NEK5: variants seen among roughly 807,000 people sequenced by gnomAD.
The protein encoded by NEK5 is NIMA related kinase 5, also known as serine/threonine-protein kinase Nek5.
NEK5 carries 88 observed loss-of-function variants against 109.2 expected under a neutral mutation model. That is an observed-to-expected ratio of 0.81 (90% CI 0.68 to 0.96). NEK5 has a LOEUF of 0.96. Ranked by LOEUF, NEK5 falls within the 40% of genes least tolerant of loss-of-function variation. The probability of loss-of-function intolerance (pLI) is 0.00; values close to 1 mark genes in which losing one functional copy is unlikely to be tolerated. For missense variants in NEK5, 834 were observed against 920.7 expected (o/e 0.91, Z 1.22); for synonymous variants, 283 against 299.9 (o/e 0.94, Z 0.58).
At chr13:52,041,557 A>G (rs1291706565) in intron 23 of NEK5, among the ~76,000 whole-genome samples, 1 of 151,582 alleles carries the variant, frequency 6.6e-6, no homozygotes, top group Non-Finnish European at 1.5e-5. Context: ...GTGAAACCCC[A>G]TCTCTGCTAA....
chr13:52,117,215 G>A (rs576840913), intron 4 of NEK5, among the ~76,000 whole-genome samples: 4 of 152,276 alleles, frequency 2.6e-5, no homozygotes, highest in African/African-American at 7.2e-5. Context: ...CACTGCGCCC[G>A]GCCAAAACAT....
At chr13:52,085,512 A>T (rs1955124273) in intron 16 of NEK5, among the ~76,000 whole-genome samples, 1 of 152,124 alleles carries the variant, frequency 6.6e-6, no homozygotes, top group African/African-American at 2.4e-5. Context: ...AGAGAGAGAG[A>T]GATCAATTTC....
At position 52,110,572 on chromosome 13, in the gene NEK5, G is replaced by A. The variant is rs199610777; in HGVS notation, c.318C>T (p.Leu106=). The A allele has an allele frequency of 1.5e-4, 244 of 1,605,676 alleles. 3 individuals carry two copies. The Admixed American group carries it at 3.5e-3, about 23-fold the overall frequency. ...CTAGAGAAATCTGTACAAACCAACC[G>A]AGGATCTATAGAGAGAACACAAAAC... ...RGVLFSEDQI[L]GWFVQISLGL... is the part of the protein sequence containing the mutation. Residue 106 remains leucine (L), a synonymous_variant, in exon 6 of 24, where the codon CTC becomes CTT. Coordinates refer to ENST00000684899, the MANE Select transcript of NEK5 (RefSeq NM_001365552.1).
chr13:52,063,948 G>A (rs886999857), intron 21 of NEK5, among the ~76,000 whole-genome samples: 1 of 150,074 alleles, frequency 6.7e-6, no homozygotes, highest in Non-Finnish European at 1.5e-5. Flanking sequence ...GGAGGGAGGT[G>A]GGGGGGTCAG....
chr13:52,063,554 C>T (rs1490760276), intron 21 of NEK5, among the ~76,000 whole-genome samples: 1 of 146,866 alleles, frequency 6.8e-6, no homozygotes, highest in Non-Finnish European at 1.5e-5. Flanking sequence ...ACGTGAGGAG[C>T]CCCTCTGCCT....
intron 17 of NEK5, among the ~76,000 whole-genome samples, chr13:52,076,728 C>T (rs1387837334): frequency 6.6e-6 from 1 of 152,178 alleles, no homozygotes; most frequent in Non-Finnish European, 1.5e-5. Context: ...TGTGTATCTT[C>T]AGGCTTCACT....
At chr13:52,037,498 C>A (rs1954370907) in intron 23 of NEK5, among the ~76,000 whole-genome samples, 1 of 152,030 alleles carries the variant, frequency 6.6e-6, no homozygotes, top group East Asian at 1.9e-4. Context: ...AAAACAATTG[C>A]CGTACATCGA....
intron 19 of NEK5, among the ~76,000 whole-genome samples, chr13:52,074,119 A>G (rs2137807543): frequency 6.7e-6 from 1 of 149,946 alleles, no homozygotes; most frequent in African/African-American, 2.4e-5. Context: ...AGGATTGGAG[A>G]AAAAAAAAAC....
At chr13:52,111,125 T>G (rs1386356677) in intron 5 of NEK5, among the ~76,000 whole-genome samples, 1 of 152,230 alleles carries the variant, frequency 6.6e-6, no homozygotes, top group Non-Finnish European at 1.5e-5. Context: ...TATTTCTAAG[T>G]CATGATTTGA....
At chr13:52,062,445 G>A (rs1206449913) in intron 21 of NEK5, among the ~76,000 whole-genome samples, 1 of 149,158 alleles carries the variant, frequency 6.7e-6, no homozygotes, top group African/African-American at 2.5e-5. Context: ...TTTTTTTTGA[G>A]ACAGAGTCTC....
At chr13:52,053,828 G>C (rs551814788) in intron 22 of NEK5, among the ~76,000 whole-genome samples, 6 of 152,278 alleles carry the variant, frequency 3.9e-5, no homozygotes, top group Admixed American at 3.9e-4. Flanking sequence ...GTTTTATTAA[G>C]GCAGGAGCCT....
chr13:52,114,703 T>A (rs1955818698), intron 4 of NEK5, among the ~76,000 whole-genome samples: 1 of 152,190 alleles, frequency 6.6e-6, no homozygotes, highest in Admixed American at 6.5e-5. Flanking sequence ...CGCATGCAAG[T>A]AAGACTGGAG....
At chr13:52,054,630 G>C (rs979559941) in intron 22 of NEK5, among the ~76,000 whole-genome samples, 1 of 152,212 alleles carries the variant, frequency 6.6e-6, no homozygotes, top group Non-Finnish European at 1.5e-5. Context: ...TCCTCAAGTG[G>C]GTCCCTGACC....
intron 1 of NEK5, 49 bp downstream of exon 1, chr13:52,128,980 C>G (rs1283770278): frequency 1.3e-5 from 2 of 152,434 alleles, no homozygotes; most frequent in African/African-American, 4.8e-5. Flanking sequence ...GCTCCCGAAG[C>G]CCTGTGGCGG....
chr13:52,095,291 T>C (rs1955383226), intron 12 of NEK5, among the ~76,000 whole-genome samples: 3 of 152,128 alleles, frequency 2.0e-5, no homozygotes, highest in Non-Finnish European at 2.9e-5. Context: ...ATTTCACCTA[T>C]ATACAACCTA....
intron 23 of NEK5, among the ~76,000 whole-genome samples, chr13:52,044,181 T>C (rs1954437793): frequency 1.3e-5 from 2 of 152,218 alleles, no homozygotes; most frequent in African/African-American, 4.8e-5. Context: ...CTCCAAGTTC[T>C]TCGGTTTTGA....
chr13:52,035,429 A>G lies in NEK5; in HGVS notation c.*1519T>C, dbSNP rs1241380156. On this transcript the variant is annotated 3_prime_UTR_variant, in exon 24 of 24. Transcript: ENST00000684899. ...GTGAGACATTTTACTTTTATTATAA[A>G]GCAGATATTTCAGGCAGAATTCTAC... 1 of 152,214 alleles carries G rather than the reference A, an allele frequency of 6.6e-6. No homozygotes were observed. Among genetic ancestry groups the G allele is most frequent in the African/African-American group, 2.4e-5 (1 of 41,460 alleles). The allele number at this position is 152,214 out of a possible 1,614,324, so 9.4% of individuals were successfully genotyped here.
intron 3 of NEK5, among the ~76,000 whole-genome samples, chr13:52,126,490 A>T (rs1020443029): frequency 6.6e-6 from 1 of 152,236 alleles, no homozygotes; most frequent in African/African-American, 2.4e-5. Context: ...GTAAGAAAAT[A>T]AACCAGGCCA....
intron 3 of NEK5, among the ~76,000 whole-genome samples, chr13:52,121,978 G>GTTTTTTTTTTTTT: frequency 6.6e-6 from 1 of 150,414 alleles, no homozygotes; most frequent in African/African-American, 2.5e-5. Context: ...TGTTGTCTAA[G>GTTTTTTTTTTTTT]CTGGATTTTA....
Sources: allele counts gnomAD v4.1 joint callset (sites outside exome capture counted in the v4.1 genomes callset), GRCh38; gene constraint gnomAD v4.1.1; transcripts MANE v1.5; gene names NCBI Gene and HGNC (gene_info 2026-07-23, HGNC 2026-07-21).